ENTREP2: variants seen among roughly 807,000 people sequenced by gnomAD.
ENTREP2 encodes protein ENTREP2.
At chr15:29,631,310 G>C in the ENTREP2 span, among the ~76,000 whole-genome samples, 1 of 152,152 alleles carries the variant, frequency 6.6e-6, no homozygotes, top group African/African-American at 2.4e-5. Flanking sequence ...TGGGTTCCTG[G>C]CATGACAAGC....
the ENTREP2 span, among the ~76,000 whole-genome samples, chr15:29,300,086 T>C: frequency 1.3e-5 from 2 of 150,202 alleles, no homozygotes. Flanking sequence ...GATGGATGGG[T>C]AAATGAATGG....
chr15:29,421,131 G>A, the ENTREP2 span, among the ~76,000 whole-genome samples: 7,639 of 152,234 alleles, frequency 0.05, 660 homozygotes, highest in African/African-American at 0.17. Flanking sequence ...GGAACAGAAA[G>A]ATAACCTACT....
chr15:29,234,149 T>G, the ENTREP2 span: 1 of 1,569,560 alleles, frequency 6.4e-7, no homozygotes, highest in South Asian at 1.1e-5. Context: ...TCCATGTCAT[T>G]CTCGTTCACT....
chr15:29,142,240 A>T, the ENTREP2 span, among the ~76,000 whole-genome samples: 1 of 152,242 alleles, frequency 6.6e-6, no homozygotes, highest in South Asian at 2.1e-4. Context: ...AAATACACCC[A>T]GACAGGACAA....
chr15:29,599,086 G>T, the ENTREP2 span, among the ~76,000 whole-genome samples: 3 of 152,194 alleles, frequency 2.0e-5, no homozygotes, highest in African/African-American at 7.2e-5. Flanking sequence ...CATGTTGATA[G>T]CAAGTCCATC....
the ENTREP2 span, among the ~76,000 whole-genome samples, chr15:29,294,891 G>A: frequency 2.0e-5 from 3 of 152,180 alleles, no homozygotes; most frequent in Admixed American, 6.5e-5. Context: ...GTGAAGTCCC[G>A]AGGCTGGGAC....
At chr15:29,224,009 C>T in the ENTREP2 span, among the ~76,000 whole-genome samples, 1 of 152,298 alleles carries the variant, frequency 6.6e-6, no homozygotes, top group South Asian at 2.1e-4. Context: ...TTGATGGGTT[C>T]TTGGTCGCAC....
chr15:29,285,718 AG>A, the ENTREP2 span, among the ~76,000 whole-genome samples: 1 of 152,216 alleles, frequency 6.6e-6, no homozygotes, highest in Admixed American at 6.5e-5. Flanking sequence ...TTATGAAGGA[AG>A]TTTAACCTCC....
At chr15:29,229,623 A>G in the ENTREP2 span, among the ~76,000 whole-genome samples, 2 of 152,172 alleles carry the variant, frequency 1.3e-5, no homozygotes, top group African/African-American at 4.8e-5. Context: ...AGTTGGTATC[A>G]TTGCTTCACA....
the ENTREP2 span, among the ~76,000 whole-genome samples, chr15:29,435,140 G>A: frequency 2.9e-4 from 44 of 152,134 alleles, no homozygotes; most frequent in African/African-American, 9.9e-4. Flanking sequence ...CTTGACAAAC[G>A]TGTTTGCTTC....
chr15:29,345,719 CTTGTCCTGGGCTCTGCTTCT>C, the ENTREP2 span, among the ~76,000 whole-genome samples: 1 of 151,956 alleles, frequency 6.6e-6, no homozygotes, highest in East Asian at 1.9e-4. Flanking sequence ...CACCTGCTTC[CTTGTCCTGGGCTCTGCTTCT>C]GGGCTAAAAA....
At chr15:29,604,334 C>A in the ENTREP2 span, among the ~76,000 whole-genome samples, 2 of 152,142 alleles carry the variant, frequency 1.3e-5, no homozygotes, top group African/African-American at 4.8e-5. Context: ...GAAATTGGTA[C>A]AATCTTCGGT....
At chr15:29,634,664 C>A in the ENTREP2 span, among the ~76,000 whole-genome samples, 1 of 152,132 alleles carries the variant, frequency 6.6e-6, no homozygotes, top group Admixed American at 6.5e-5. Context: ...CCAAGACTAC[C>A]CCCCTTCCCA....
the ENTREP2 span, among the ~76,000 whole-genome samples, chr15:29,662,085 C>T: frequency 1.3e-5 from 2 of 151,712 alleles, no homozygotes; most frequent in African/African-American, 4.8e-5. Flanking sequence ...GTGGTGGGTG[C>T]CTAAAATCCC....
the ENTREP2 span, among the ~76,000 whole-genome samples, chr15:29,206,982 C>T: frequency 6.6e-6 from 1 of 152,192 alleles, no homozygotes; most frequent in Non-Finnish European, 1.5e-5. Context: ...CCGGCATAAA[C>T]TCAGGGCCAA....
the ENTREP2 span, among the ~76,000 whole-genome samples, chr15:29,330,583 T>G: frequency 4.6e-5 from 7 of 152,124 alleles, no homozygotes; most frequent in South Asian, 1.5e-3. Context: ...TGCTCAACAC[T>G]GTCGAGGTCA....
the ENTREP2 span, among the ~76,000 whole-genome samples, chr15:29,280,952 C>T: frequency 6.6e-6 from 1 of 152,088 alleles, no homozygotes; most frequent in Non-Finnish European, 1.5e-5. Context: ...AATGAATTAA[C>T]TGCTTCCTAG....
At chr15:29,483,034 C>A in the ENTREP2 span, among the ~76,000 whole-genome samples, 1 of 152,220 alleles carries the variant, frequency 6.6e-6, no homozygotes, top group Non-Finnish European at 1.5e-5. Context: ...TTTAGCCATT[C>A]TAACAGGTGT....
the ENTREP2 span, among the ~76,000 whole-genome samples, chr15:29,550,015 G>A: frequency 2.6e-5 from 4 of 152,194 alleles, no homozygotes; most frequent in African/African-American, 9.7e-5. Flanking sequence ...AAGGACAGCA[G>A]AGACCACAGT....
Sources: allele counts gnomAD v4.1 joint callset (sites outside exome capture counted in the v4.1 genomes callset), GRCh38; gene constraint gnomAD v4.1.1; transcripts MANE v1.5; gene names NCBI Gene and HGNC (gene_info 2026-07-23, HGNC 2026-07-21).